The following SPAG9 variants were observed in gnomAD, a reference collection of about 807,000 sequenced individuals.
The protein encoded by SPAG9 is sperm associated antigen 9.
SPAG9 carries 35 observed loss-of-function variants against 166.5 expected under a neutral mutation model. The ratio of observed to expected loss-of-function variants is 0.21; its 90% CI spans 0.16 to 0.28. The LOEUF (loss-of-function observed/expected upper bound fraction) is 0.28, where lower values mean the gene tolerates loss of function less well. SPAG9 is among the 10% of genes least tolerant of loss of function. SPAG9 has a pLI of 1.00. For synonymous variants in SPAG9, 534 were observed against 565.5 expected (o/e 0.94, Z 0.79); for missense variants, 1,235 against 1,603.3 (o/e 0.77, Z 3.92).
intron 3 of SPAG9, among the ~76,000 whole-genome samples, chr17:51,049,410 T>C (rs915030257): frequency 1.3e-5 from 2 of 151,636 alleles, no homozygotes; most frequent in African/African-American, 2.4e-5. Context: ...GTGCAGTAGC[T>C]AATGCCTGTA....
chr17:51,018,652 G>C (rs980545962), intron 8 of SPAG9, among the ~76,000 whole-genome samples: 1 of 152,140 alleles, frequency 6.6e-6, no homozygotes, highest in Non-Finnish European at 1.5e-5. Context: ...AAGTGCTAGG[G>C]GGAGGGGCCC....
Position 50,964,644 on chromosome 17 carries a change from T to G in SPAG9, c.*1628A>C. On this transcript the variant is annotated 3_prime_UTR_variant, in exon 30 of 30. Coordinates refer to ENST00000262013, the MANE Select transcript of SPAG9 (RefSeq NM_001130528.3). ...GCCTAGAGTAATAGATAAAAAAGGG[T>G]AAATCACACATTTTCAAGAAGCTTG... 2.7e-6 allele frequency: 1 copy of G among 364,778 alleles called. No individual in the cohort carries two copies. Among genetic ancestry groups the G allele is most frequent in the East Asian group, 9.1e-5 (1 of 10,946 alleles). The allele number at this position is 364,778 out of a possible 1,614,324, so 22.6% of individuals were successfully genotyped here.
chr17:50,998,219 A>ATGGG (rs1216730372), intron 15 of SPAG9, among the ~76,000 whole-genome samples: 3 of 151,880 alleles, frequency 2.0e-5, no homozygotes, highest in Non-Finnish European at 4.4e-5. Context: ...TTTAGTAGAG[A>ATGGG]TGGGGTTTCA....
chr17:51,039,087 G>A (rs183632250), intron 5 of SPAG9, among the ~76,000 whole-genome samples: 85 of 152,240 alleles, frequency 5.6e-4, no homozygotes, highest in African/African-American at 2.0e-3. Context: ...GTTTTCTGTC[G>A]TTCTCTCACA....
At chr17:51,007,763 T>TA (rs2045288057) in intron 9 of SPAG9, 1 of 411,818 alleles carries the variant, frequency 2.4e-6, no homozygotes, top group African/African-American at 2.1e-5. Flanking sequence ...GCCTAAAAAT[T>TA]AGACCTTATT....
intron 12 of SPAG9, among the ~76,000 whole-genome samples, chr17:51,004,673 T>C (rs1215887612): frequency 6.6e-6 from 1 of 152,102 alleles, no homozygotes; most frequent in Non-Finnish European, 1.5e-5. Context: ...GAAGTTGTAG[T>C]GAGCTGAGAT....
intron 27 of SPAG9, chr17:50,975,243 T>C (rs567067457): frequency 3.4e-6 from 1 of 290,112 alleles, no homozygotes; most frequent in Admixed American, 5.3e-5. Flanking sequence ...AAAAACAAAT[T>C]TGAATCTTAG....
At chr17:51,034,196 C>A (rs2046493116) in intron 5 of SPAG9, among the ~76,000 whole-genome samples, 1 of 152,192 alleles carries the variant, frequency 6.6e-6, no homozygotes, top group South Asian at 2.1e-4. Context: ...TATTACAACA[C>A]ATAATCCATT....
intron 1 of SPAG9, among the ~76,000 whole-genome samples, chr17:51,118,544 T>A (rs2049367044): frequency 6.6e-6 from 1 of 152,200 alleles, no homozygotes; most frequent in Non-Finnish European, 1.5e-5. Context: ...GGCTTGCTTG[T>A]CACCTGTGTG....
intron 9 of SPAG9, among the ~76,000 whole-genome samples, chr17:51,011,484 G>A (rs1390583695): frequency 6.6e-6 from 1 of 151,542 alleles, no homozygotes; most frequent in Non-Finnish European, 1.5e-5. Context: ...CCAGGTTCAA[G>A]CAATTCTCCT....
At chr17:51,072,133 G>A (rs970155165) in intron 2 of SPAG9, among the ~76,000 whole-genome samples, 1 of 151,974 alleles carries the variant, frequency 6.6e-6, no homozygotes, top group South Asian at 2.1e-4. Context: ...GTACAGTGGC[G>A]TGATCTTGGC....
intron 27 of SPAG9, chr17:50,975,892 A>C: frequency 6.5e-7 from 1 of 1,535,660 alleles, no homozygotes; most frequent in Non-Finnish European, 8.7e-7. Context: ...TCCCTGGTGG[A>C]GGATTACGGC....
intron 1 of SPAG9, among the ~76,000 whole-genome samples, chr17:51,088,654 C>T (rs561857273): frequency 1.3e-5 from 2 of 152,076 alleles, no homozygotes; most frequent in African/African-American, 2.4e-5. Flanking sequence ...AAAAATTAGG[C>T]GGACTTGGTG....
chr17:51,048,251 T>C (rs1042936634), intron 3 of SPAG9, among the ~76,000 whole-genome samples: 5 of 152,024 alleles, frequency 3.3e-5, no homozygotes, highest in South Asian at 2.1e-4. Flanking sequence ...TGATAATATA[T>C]AGTTTCACTT....
intron 27 of SPAG9, 94 bp downstream of exon 27, chr17:50,977,014 A>C: frequency 1.3e-6 from 1 of 774,208 alleles, no homozygotes; most frequent in East Asian, 2.5e-5. Flanking sequence ...GCCATCACTG[A>C]TTTTCTGAGC....
At chr17:51,008,693 G>C (rs1177579359) in intron 9 of SPAG9, among the ~76,000 whole-genome samples, 1 of 152,062 alleles carries the variant, frequency 6.6e-6, no homozygotes, top group East Asian at 1.9e-4. Context: ...ACTTACACCA[G>C]AAAGAATTAA....
rs1237063860 is a variant in SPAG9, at chr17:50,964,417, G to C, written c.*1855C>G. On this transcript the variant is annotated 3_prime_UTR_variant, in exon 30 of 30. Coordinates refer to ENST00000262013, the MANE Select transcript of SPAG9 (RefSeq NM_001130528.3). ...AGCCTGGCCAATGTGGTGAAACCCT[G>C]TCTCTACTAAAAATACAAAAATTAG... is the stretch of plus-strand genomic sequence containing the variant. The C allele has an allele frequency of 6.5e-6, 1 of 153,698 alleles. No individual in the cohort carries two copies. The highest frequency in any genetic ancestry group is 2.4e-5 in the African/African-American group (1 of 41,398). 9.5% of individuals were successfully genotyped at this position (153,698 alleles called of 1,614,324 possible). A position where few individuals can be genotyped will look rare whatever the true frequency, so the allele number is the denominator to read the frequency against.
intron 5 of SPAG9, among the ~76,000 whole-genome samples, chr17:51,037,354 T>C (rs1014185120): frequency 6.6e-6 from 1 of 151,498 alleles, no homozygotes; most frequent in African/African-American, 2.4e-5. Context: ...CCGGGCGCGG[T>C]GGCTCAAGCC....
intron 15 of SPAG9, among the ~76,000 whole-genome samples, chr17:50,997,777 A>G (rs2044741737): frequency 6.6e-6 from 1 of 152,176 alleles, no homozygotes; most frequent in Non-Finnish European, 1.5e-5. Flanking sequence ...AATGAGTAGT[A>G]AAGTCAGGAT....
Sources: allele counts gnomAD v4.1 joint callset (sites outside exome capture counted in the v4.1 genomes callset), GRCh38; gene constraint gnomAD v4.1.1; transcripts MANE v1.5; gene names NCBI Gene and HGNC (gene_info 2026-07-23, HGNC 2026-07-21).